Variants in STK32B observed in about 807,000 individuals in gnomAD.
The protein encoded by STK32B is serine/threonine-protein kinase 32B.
STK32B carries 43 observed loss-of-function variants against 52.6 expected under a neutral mutation model. The observed-to-expected ratio is 0.82, with a 90% CI of 0.64 to 1.05. The LOEUF (loss-of-function observed/expected upper bound fraction) is 1.05, where lower values mean the gene tolerates loss of function less well. STK32B is among the 50% of genes least tolerant of loss of function. STK32B has a pLI of 0.00. For synonymous variants in STK32B, 238 were observed against 204.3 expected (o/e 1.17, Z -1.41); for missense variants, 621 against 534.6 (o/e 1.16, Z -1.59).
chr4:5,078,857 G>A (rs957242587), intron 1 of STK32B, among the ~76,000 whole-genome samples: 3 of 152,228 alleles, frequency 2.0e-5, no homozygotes, highest in African/African-American at 7.2e-5. Context: ...GCACAGGGAA[G>A]TGGAGTTATA....
At chr4:5,172,918 G>A (rs888094838) in intron 3 of STK32B, among the ~76,000 whole-genome samples, 5 of 152,078 alleles carry the variant, frequency 3.3e-5, no homozygotes, top group Middle Eastern at 3.2e-3. Flanking sequence ...AGTAGAATTC[G>A]GCTGTGAATC....
At chr4:5,320,078 A>T (rs545898081) in intron 3 of STK32B, among the ~76,000 whole-genome samples, 1 of 152,174 alleles carries the variant, frequency 6.6e-6, no homozygotes, top group Non-Finnish European at 1.5e-5. Context: ...TGATGAGCCA[A>T]TTCAAGTCTC....
intron 6 of STK32B, chr4:5,426,837 G>A (rs902260894): frequency 6.6e-6 from 1 of 151,378 alleles, no homozygotes; most frequent in Non-Finnish European, 1.5e-5. Context: ...TCAGTGGCTT[G>A]TCTTTCTATT....
At chr4:5,025,087 C>G in the STK32B span, among the ~76,000 whole-genome samples, 1 of 152,162 alleles carries the variant, frequency 6.6e-6, no homozygotes, top group African/African-American at 2.4e-5. Flanking sequence ...CCAGGCGCCT[C>G]TGCAGAGACC....
intron 1 of STK32B, among the ~76,000 whole-genome samples, chr4:5,083,571 C>T (rs1272457450): frequency 3.3e-5 from 5 of 152,162 alleles, no homozygotes; most frequent in Admixed American, 6.5e-5. Flanking sequence ...AATAAATGGA[C>T]ATGGACATTA....
chr4:5,384,842 G>A (rs554419511), intron 4 of STK32B, among the ~76,000 whole-genome samples: 2 of 152,312 alleles, frequency 1.3e-5, no homozygotes, highest in Admixed American at 1.3e-4. Flanking sequence ...GGATGTTTGA[G>A]GAGACAGGAG....
At chr4:5,215,592 TTTACAG>T in intron 3 of STK32B, among the ~76,000 whole-genome samples, 1 of 152,302 alleles carries the variant, frequency 6.6e-6, no homozygotes, top group East Asian at 1.9e-4. Context: ...GGGTTTTTTA[TTTACAG>T]TCATTTATAA....
chr4:5,492,065 C>CT (rs1475619421), intron 11 of STK32B, among the ~76,000 whole-genome samples: 1 of 152,052 alleles, frequency 6.6e-6, no homozygotes, highest in Non-Finnish European at 1.5e-5. Flanking sequence ...AATGCGGGCT[C>CT]TTTTTTGGTT....
At chr4:5,189,560 A>C (rs12504914) in intron 3 of STK32B, among the ~76,000 whole-genome samples, 8,647 of 152,286 alleles carry the variant, frequency 0.057, 441 homozygotes, top group Admixed American at 0.17. Context: ...TAGCCTACCG[A>C]AAGACATCTT....
In STK32B at chr4:5,453,618, A is replaced by AC. The variant is rs912844311; in HGVS notation, c.667-3189_667-3188insC. Among the ~76,000 whole-genome samples, 8 of 152,104 alleles carry AC rather than the reference A, an allele frequency of 5.3e-5. No individual in the cohort carries two copies. Among genetic ancestry groups the AC allele is most frequent in the African/African-American group, 1.7e-4 (7 of 41,422 alleles). ...GGAAGGAGCAATTATAAATAGTCCA[A>AC]AACGGCTGGGTGCAGTGGCTTACGT... On this transcript the variant is annotated intron_variant, in intron 7 of 11. Transcript: ENST00000282908. The surrounding 1 kb of genome is among the most constrained non-coding windows in gnomAD (Gnocchi z 4.0).
chr4:5,074,188 A>ATGTGTG (rs34284353), intron 1 of STK32B, among the ~76,000 whole-genome samples: 217 of 148,902 alleles, frequency 1.5e-3, no homozygotes, highest in Admixed American at 4.3e-3. Flanking sequence ...AAATATATAT[A>ATGTGTG]TGTGTGTGTG....
intron 3 of STK32B, among the ~76,000 whole-genome samples, chr4:5,189,939 G>C (rs1721046449): frequency 6.6e-6 from 1 of 152,110 alleles, no homozygotes. Flanking sequence ...CAGAACCATG[G>C]CTGGCATCTA....
rs1002652082 is a variant in STK32B, at chr4:5,453,730, C to G, written c.667-3077C>G. ...ACCAACCTGGCCAACATGGTAAAAC[C>G]CGGTCTCTACTAAAAATAAAAAAGA... On this transcript the variant is annotated intron_variant, in intron 7 of 11. Transcript: ENST00000282908. The surrounding 1 kb of genome is among the most constrained non-coding windows in gnomAD (Gnocchi z 4.0). Among the ~76,000 whole-genome samples the G allele has an allele frequency of 6.6e-6, 1 of 151,894 alleles. No individual in the cohort carries two copies. Among genetic ancestry groups the G allele is most frequent in the African/African-American group, 2.4e-5 (1 of 41,288 alleles).
chr4:5,215,651 G>A (rs2108790840), intron 3 of STK32B, among the ~76,000 whole-genome samples: 2 of 152,172 alleles, frequency 1.3e-5, no homozygotes, highest in East Asian at 3.9e-4. Context: ...ATGGGGGAGT[G>A]TTAATGATTT....
At chr4:5,352,236 A>C (rs1577383601) in intron 4 of STK32B, among the ~76,000 whole-genome samples, 1 of 152,148 alleles carries the variant, frequency 6.6e-6, no homozygotes, top group South Asian at 2.1e-4. Context: ...CACATCAAAA[A>C]TTAATCCACA....
the STK32B span, among the ~76,000 whole-genome samples, chr4:5,035,792 T>C: frequency 7.2e-5 from 11 of 152,022 alleles, no homozygotes; most frequent in Non-Finnish European, 1.5e-4. Flanking sequence ...TTTTTTTTTT[T>C]TTTTTTTGAG....
chr4:5,374,193 C>T (rs895802449), intron 4 of STK32B, among the ~76,000 whole-genome samples: 1 of 152,276 alleles, frequency 6.6e-6, no homozygotes, highest in African/African-American at 2.4e-5. Context: ...AGGGTAACAC[C>T]TTGACTTTGA....
chr4:5,277,248 T>C (rs955729976), intron 3 of STK32B, among the ~76,000 whole-genome samples: 2 of 152,254 alleles, frequency 1.3e-5, no homozygotes, highest in African/African-American at 4.8e-5. Flanking sequence ...GGCTTCAACA[T>C]GCCTCCTTCA....
chr4:5,273,228 AAC>A (rs1727567258), intron 3 of STK32B, among the ~76,000 whole-genome samples: 1 of 139,668 alleles, frequency 7.2e-6, no homozygotes, highest in Non-Finnish European at 1.5e-5. Context: ...GCAGCCAAAA[AAC>A]ACATGAAAAA....
Sources: allele counts gnomAD v4.1 joint callset (sites outside exome capture counted in the v4.1 genomes callset), GRCh38; gene constraint gnomAD v4.1.1; non-coding constraint Gnocchi (gnomAD v3.1); transcripts MANE v1.5; gene names NCBI Gene and HGNC (gene_info 2026-07-23, HGNC 2026-07-21).